ARNT2: variants seen among roughly 807,000 people sequenced by gnomAD.
ARNT2 encodes the protein aryl hydrocarbon receptor nuclear translocator 2, also known as ARNT protein 2.
Under a neutral mutation model 91.7 loss-of-function variants are expected in ARNT2, and 36 were observed. That is an observed-to-expected ratio of 0.39 (90% CI 0.30 to 0.52). The LOEUF is 0.52. Ranked by LOEUF, ARNT2 falls within the 20% of genes least tolerant of loss-of-function variation. The pLI, the probability that ARNT2 is intolerant of heterozygous loss-of-function variation, is 0.72. For synonymous variants in ARNT2, 365 were observed against 347.1 expected, an observed-to-expected ratio of 1.05 and a Z score of -0.57; for missense variants, 775 against 939.3, an observed-to-expected ratio of 0.83 and a Z score of 2.29.
intron 5 of ARNT2, among the ~76,000 whole-genome samples, chr15:80,476,852 G>A (rs186885400): frequency 1.3e-5 from 2 of 152,350 alleles, no homozygotes; most frequent in East Asian, 3.9e-4. Flanking sequence ...ATATGGTTTA[G>A]ATCTGTGTCC....
chr15:80,524,420 A>G (rs541535402), intron 8 of ARNT2, among the ~76,000 whole-genome samples: 7 of 152,330 alleles, frequency 4.6e-5, no homozygotes, highest in African/African-American at 1.7e-4. Flanking sequence ...CAAGGAATTA[A>G]TCAGAGATGT....
At chr15:80,480,756 A>C (rs1896873107) in intron 5 of ARNT2, among the ~76,000 whole-genome samples, 1 of 150,644 alleles carries the variant, frequency 6.6e-6, no homozygotes, top group South Asian at 2.1e-4. Context: ...TCCTCTCCCC[A>C]TCCTTCCTGC....
chr15:80,428,035 A>T (rs903960507), intron 1 of ARNT2, among the ~76,000 whole-genome samples: 4 of 152,152 alleles, frequency 2.6e-5, no homozygotes, highest in Admixed American at 2.6e-4. Flanking sequence ...GGAGATCTCT[A>T]TTTGTCTGTT....
chr15:80,415,882 G>A (rs1895774559), intron 1 of ARNT2, among the ~76,000 whole-genome samples: 1 of 152,064 alleles, frequency 6.6e-6, no homozygotes. Context: ...TCAGGCGTTT[G>A]GTTGAGTTTA....
rs996315975 is a variant in ARNT2, at chr15:80,596,289, C to T, written c.*2591C>T. On this transcript the variant is annotated 3_prime_UTR_variant, in exon 19 of 19. Transcript: ENST00000303329. ...CATTATGACTAAATAGGCCCAGCCT[C>T]CTTCCCTTCCAGCTCTGTCCTAGGA... 1 of 152,174 alleles carries T rather than the reference C, an allele frequency of 6.6e-6. No individual in the cohort carries two copies. Among genetic ancestry groups the T allele is most frequent in the African/African-American group, 2.4e-5 (1 of 41,440 alleles). 9.4% of individuals were successfully genotyped at this position (152,174 alleles called of 1,614,324 possible). A position where few individuals can be genotyped will look rare whatever the true frequency, so the allele number is the denominator to read the frequency against.
intron 12 of ARNT2, among the ~76,000 whole-genome samples, chr15:80,570,522 T>C (rs766505659): frequency 2.8e-4 from 43 of 152,222 alleles, no homozygotes; most frequent in Non-Finnish European, 5.7e-4. Context: ...TTATACTGAT[T>C]CATTTTTCAA....
chr15:80,420,660 A>G (rs539666015), intron 1 of ARNT2, among the ~76,000 whole-genome samples: 1 of 152,016 alleles, frequency 6.6e-6, no homozygotes, highest in South Asian at 2.1e-4. Flanking sequence ...TTATATGTGA[A>G]TATATATTTT....
In ARNT2 at chr15:80,596,970, A is replaced by G. The variant is rs1201947268; in HGVS notation, c.*3272A>G. On this transcript the variant is annotated 3_prime_UTR_variant, in exon 19 of 19. Coordinates refer to ENST00000303329, the MANE Select transcript of ARNT2 (RefSeq NM_014862.4). ...GCTTCAGGGAGTGACAGCCATCACA[A>G]ATAGCCACATTCTGCTCTACTCTCC... 2.0e-5 allele frequency: 7 copies of G among 358,456 alleles called. No individual in the cohort carries two copies. In the East Asian group the frequency reaches 5.2e-4, roughly 26 times the overall value. The allele number at this position is 358,456 out of a possible 1,614,324, so 22.2% of individuals were successfully genotyped here.
At chr15:80,450,172 C>T (rs1252885403) in intron 1 of ARNT2, among the ~76,000 whole-genome samples, 1 of 152,194 alleles carries the variant, frequency 6.6e-6, no homozygotes, top group East Asian at 1.9e-4. Flanking sequence ...AATGTCTTGG[C>T]CACAATGTGC....
chr15:80,538,381 A>G (rs974068133), intron 8 of ARNT2, among the ~76,000 whole-genome samples: 1 of 152,188 alleles, frequency 6.6e-6, no homozygotes, highest in Non-Finnish European at 1.5e-5. Context: ...TCTCAAACTT[A>G]TAGAACTTGG....
At chr15:80,437,689 G>A (rs770541772) in intron 1 of ARNT2, among the ~76,000 whole-genome samples, 4 of 152,108 alleles carry the variant, frequency 2.6e-5, no homozygotes, top group Non-Finnish European at 5.9e-5. Flanking sequence ...CACAACTGCC[G>A]GCTTCTGTTC....
At chr15:80,570,032 A>G (rs1394587599) in intron 12 of ARNT2, among the ~76,000 whole-genome samples, 1 of 152,252 alleles carries the variant, frequency 6.6e-6, no homozygotes, top group African/African-American at 2.4e-5. Flanking sequence ...AAGATGCCCA[A>G]GGTACTAGAA....
chr15:80,505,908 A>G (rs983297275), intron 5 of ARNT2, among the ~76,000 whole-genome samples: 7 of 149,466 alleles, frequency 4.7e-5, no homozygotes, highest in Non-Finnish European at 7.4e-5. Context: ...TAAAGAAAAA[A>G]TGATTCCCAA....
intron 16 of ARNT2, among the ~76,000 whole-genome samples, chr15:80,580,803 A>G (rs547409884): frequency 6.6e-6 from 1 of 152,328 alleles, no homozygotes; most frequent in African/African-American, 2.4e-5. Context: ...AAGGTTGGGC[A>G]GGTTGAGACA....
Position 80,481,457 on chromosome 15 carries a change from C to A in ARNT2, c.622+6234C>A, listed in dbSNP as rs151184550. Among the ~76,000 whole-genome samples, 538 of 152,318 alleles carry A rather than the reference C, an allele frequency of 3.5e-3. 4 individuals are homozygous for A. The highest frequency in any genetic ancestry group is 0.012 in the African/African-American group (515 of 41,558). On this transcript the variant is annotated intron_variant, in intron 5 of 18. Transcript: ENST00000303329. The stretch of plus-strand genomic sequence containing the variant: ...TGGGTGGGTGGCTCACACCTGTACT[C>A]CCAGCACTTTGGGAGGCTAAGGCAG...
chr15:80,530,424 G>A (rs760204274), intron 8 of ARNT2, among the ~76,000 whole-genome samples: 16 of 152,288 alleles, frequency 1.1e-4, no homozygotes, highest in Admixed American at 9.1e-4. Flanking sequence ...GCCGTGTTCT[G>A]TGCTGATCTC....
chr15:80,508,071 T>C lies in ARNT2; in HGVS notation c.623-85T>C, dbSNP rs1297838808. 9 of 1,300,000 alleles carry C rather than the reference T, an allele frequency of 6.9e-6. No homozygotes were observed. In the African/African-American group the frequency reaches 1.2e-4, roughly 17 times the overall value. 80.5% of individuals were successfully genotyped at this position (1,300,000 alleles called of 1,614,324 possible). The stretch of plus-strand genomic sequence containing the variant: ...ACACTTGTCCTCATTTGGCAGAGCA[T>C]TTGGAGAAAGCACTCCCCGAACTCC... On this transcript the variant is annotated intron_variant, in intron 5 of 18. Transcript: ENST00000303329.
At chr15:80,507,577 G>T (rs955983304) in intron 5 of ARNT2, among the ~76,000 whole-genome samples, 2 of 151,850 alleles carry the variant, frequency 1.3e-5, no homozygotes, top group Non-Finnish European at 2.9e-5. Context: ...TACGGTCATT[G>T]GCATCCAGAG....
chr15:80,451,083 C>A, intron 2 of ARNT2, 89 bp downstream of exon 2: 1 of 1,247,644 alleles, frequency 8.0e-7, no homozygotes, highest in Non-Finnish European at 1.1e-6. Flanking sequence ...TCTCCCCTTC[C>A]TGTAGAATAA....
Sources: gnomAD v4.1 joint callset for allele counts (sites outside exome capture counted in the v4.1 genomes callset) on GRCh38, gnomAD v4.1.1 for gene constraint, MANE v1.5 for transcripts, NCBI Gene and HGNC (gene_info 2026-07-23, HGNC 2026-07-21) for gene names.